Variants in ICOS observed in about 807,000 individuals in gnomAD.
ICOS encodes inducible T-cell costimulator.
A neutral mutation model predicts 24.6 loss-of-function variants in ICOS; 15 were observed. The ratio of observed to expected loss-of-function variants is 0.61; its 90% CI spans 0.41 to 0.94. The LOEUF (loss-of-function observed/expected upper bound fraction) is 0.94. ICOS is among the 40% of genes least tolerant of loss of function. ICOS has a pLI of 0.00. For synonymous variants in ICOS, 89 were observed against 77.5 expected (o/e 1.15, Z -0.78); for missense variants, 200 against 233.0 (o/e 0.86, Z 0.92).
intron 1 of ICOS, among the ~76,000 whole-genome samples, chr2:203,939,760 G>C (rs992872611): frequency 6.6e-6 from 1 of 152,110 alleles, no homozygotes; most frequent in Non-Finnish European, 1.5e-5. Context: ...AGTCTGTGAA[G>C]ATGACTGACC....
At chr2:203,953,751 A>G (rs183941116) in intron 1 of ICOS, among the ~76,000 whole-genome samples, 2 of 152,330 alleles carry the variant, frequency 1.3e-5, no homozygotes, top group Admixed American at 6.5e-5. Flanking sequence ...AATAATCCCA[A>G]TATCCAACGT....
chr2:203,937,930 G>T (rs1489965763), intron 1 of ICOS, among the ~76,000 whole-genome samples: 1 of 152,162 alleles, frequency 6.6e-6, no homozygotes, highest in African/African-American at 2.4e-5. Flanking sequence ...ATCTCATGAA[G>T]TCCTTTAGCG....
chr2:203,959,349 G>A (rs556041471), intron 4 of ICOS, among the ~76,000 whole-genome samples: 20 of 152,292 alleles, frequency 1.3e-4, no homozygotes, highest in Admixed American at 2.6e-4. Flanking sequence ...AAAGTGATGA[G>A]TTTAGATAAT....
intron 1 of ICOS, among the ~76,000 whole-genome samples, chr2:203,940,664 TA>T (rs36072293): frequency 0.76 from 112,269 of 147,434 alleles, 43,054 homozygotes; most frequent in Middle Eastern, 0.92. Flanking sequence ...CATTCCTTTG[TA>T]AAAAAAAAAA....
intron 1 of ICOS, 57 bp from the exon 2 acceptor site, chr2:203,955,576 AATT>A (rs1690063106): frequency 7.2e-7 from 1 of 1,380,298 alleles, no homozygotes; most frequent in African/African-American, 1.4e-5. Context: ...GTTAAAATAT[AATT>A]ATTAGGGCAA....
chr2:203,938,691 G>A (rs1458730408), intron 1 of ICOS, among the ~76,000 whole-genome samples: 1 of 152,140 alleles, frequency 6.6e-6, no homozygotes, highest in African/African-American at 2.4e-5. Flanking sequence ...AAGTAGCATC[G>A]GTGTCAATTC....
At chr2:203,958,651 C>T (rs962280101) in intron 4 of ICOS, among the ~76,000 whole-genome samples, 3 of 152,006 alleles carry the variant, frequency 2.0e-5, no homozygotes, top group Non-Finnish European at 2.9e-5. Context: ...ACATAGCTTG[C>T]GTTGTCATGG....
intron 1 of ICOS, among the ~76,000 whole-genome samples, chr2:203,950,958 G>T (rs568875150): frequency 6.6e-6 from 1 of 152,188 alleles, no homozygotes; most frequent in East Asian, 1.9e-4. Flanking sequence ...TACTTGGGAA[G>T]CTGAGGCAGC....
chr2:203,937,091 C>T (rs1470717215), intron 1 of ICOS, among the ~76,000 whole-genome samples: 1 of 152,066 alleles, frequency 6.6e-6, no homozygotes, highest in Non-Finnish European at 1.5e-5. Context: ...AGATGAAAAA[C>T]ATGTTTCATC....
intron 3 of ICOS, 123 bp downstream of exon 3, chr2:203,956,888 C>T (rs1690086886): frequency 1.4e-6 from 1 of 712,498 alleles, no homozygotes; most frequent in Non-Finnish European, 2.6e-6. Context: ...AATTCCTTCC[C>T]CCCAAGACAT....
At chr2:203,945,466 G>C (rs1689852093) in intron 1 of ICOS, among the ~76,000 whole-genome samples, 1 of 152,116 alleles carries the variant, frequency 6.6e-6, no homozygotes, top group Admixed American at 6.5e-5. Flanking sequence ...CTTGACGATG[G>C]GAATACATTC....
In ICOS at chr2:203,957,784, G is replaced by T. The variant is rs757222290; in HGVS notation, c.502-15G>T. 6.3e-7 allele frequency: 1 copy of T among 1,589,156 alleles called. No individual in the cohort carries two copies. Among genetic ancestry groups the T allele is most frequent in the Non-Finnish European group, 8.6e-7 (1 of 1,157,572 alleles). On this transcript the variant is annotated splice_polypyrimidine_tract_variant and intron_variant, in intron 3 of 4. Transcript: ENST00000316386. ...AGAAAAGATGACCAAGCATGTTTCT[G>T]GCTTTTTCTTTCAGAAGTATTCATC...
intron 1 of ICOS, among the ~76,000 whole-genome samples, chr2:203,944,648 T>C (rs1689838363): frequency 1.3e-5 from 2 of 152,238 alleles, no homozygotes; most frequent in African/African-American, 4.8e-5. Context: ...TTCCACTATG[T>C]TCAAGGTCCT....
At position 203,955,767 on chromosome 2, in the gene ICOS, G is replaced by A. The variant is rs1215466849; in HGVS notation, c.190G>A (p.Asp64Asn). 2 of 1,613,764 alleles carry A rather than the reference G, an allele frequency of 1.2e-6. No homozygotes were observed. The highest frequency in any genetic ancestry group is 8.5e-7 in the Non-Finnish European group (1 of 1,179,792). Residue 64 changes from aspartate to asparagine, a missense_variant, in exon 2 of 5, where the codon GAT becomes AAT. Physicochemically the swap from Asp to Asn is conservative, Grantham distance 23 (BLOSUM62 1). Transcript: ENST00000316386. ...GCTGAAAGGGGGGCAAATACTCTGCGATCTCACTAAGACAAAAGGAAGTGG... is the reference window on the plus strand; with the variant it reads ...GCTGAAAGGGGGGCAAATACTCTGCAATCTCACTAAGACAAAAGGAAGTGG... ...QLLKGGQILC[D>N]LTKTKGSGNT...
chr2:203,959,612 G>A lies in ICOS; in HGVS notation c.*13G>A, dbSNP rs1433373651. The A allele has an allele frequency of 6.2e-6, 10 of 1,612,630 alleles. No homozygotes were observed. Among genetic ancestry groups the A allele is most frequent in the Non-Finnish European group, 7.6e-6 (9 of 1,178,844 alleles). On this transcript the variant is annotated 3_prime_UTR_variant, in exon 5 of 5. Transcript: ENST00000316386. The stretch of plus-strand genomic sequence containing the variant: ...TGTGACCCTATAATATGGAACTCTG[G>A]CACCCAGGCATGAAGCACGTTGGCC...
intron 1 of ICOS, among the ~76,000 whole-genome samples, chr2:203,941,949 G>A (rs2105745453): frequency 6.6e-6 from 1 of 152,150 alleles, no homozygotes; most frequent in South Asian, 2.1e-4. Context: ...CTTCCTTCTG[G>A]TTCATGTATA....
intron 1 of ICOS, among the ~76,000 whole-genome samples, chr2:203,938,477 G>T (rs1689704690): frequency 6.6e-6 from 1 of 152,202 alleles, no homozygotes; most frequent in South Asian, 2.1e-4. Context: ...TGACCAACTG[G>T]TCCAAGTTGG....
At chr2:203,942,144 T>G (rs1313720334) in intron 1 of ICOS, among the ~76,000 whole-genome samples, 1 of 152,212 alleles carries the variant, frequency 6.6e-6, no homozygotes, top group African/African-American at 2.4e-5. Flanking sequence ...TAAAGGTAAC[T>G]TTTTTGAATT....
At chr2:203,943,780 T>C (rs1246559084) in intron 1 of ICOS, among the ~76,000 whole-genome samples, 3 of 152,150 alleles carry the variant, frequency 2.0e-5, no homozygotes, top group African/African-American at 7.2e-5. Flanking sequence ...GGGCTAGGCA[T>C]GTCTGAGCTC....
Sources: allele counts gnomAD v4.1 joint callset (sites outside exome capture counted in the v4.1 genomes callset), GRCh38; gene constraint gnomAD v4.1.1; transcripts MANE v1.5; gene names NCBI Gene and HGNC (gene_info 2026-07-23, HGNC 2026-07-21).